Variants in GABRB1 observed in about 807,000 individuals in gnomAD.
GABRB1 encodes gamma-aminobutyric acid receptor subunit beta-1.
GABRB1 carries 17 observed loss-of-function variants against 51.6 expected under a neutral mutation model. The ratio of observed to expected loss-of-function variants is 0.33; its 90% CI spans 0.23 to 0.49. The LOEUF (loss-of-function observed/expected upper bound fraction) is 0.49, where lower values mean the gene tolerates loss of function less well. GABRB1 is among the 20% of genes least tolerant of loss of function. The probability of loss-of-function intolerance (pLI) is 0.99; values close to 1 mark genes in which losing one functional copy is unlikely to be tolerated. For missense variants in GABRB1, 410 were observed against 600.6 expected (o/e 0.68, Z 3.32); for synonymous variants, 247 against 218.9 (o/e 1.13, Z -1.14).
chr4:47,008,556 A>G (rs1427336611), intron 1 of GABRB1, among the ~76,000 whole-genome samples: 3 of 150,032 alleles, frequency 2.0e-5, no homozygotes, highest in African/African-American at 7.4e-5. Context: ...TCTGCTTTCC[A>G]GGTTCAAGTG....
chr4:47,369,351 A>G (rs1421236797), intron 5 of GABRB1, among the ~76,000 whole-genome samples: 1 of 151,990 alleles, frequency 6.6e-6, no homozygotes, highest in African/African-American at 2.4e-5. Flanking sequence ...GAAGAGTTGG[A>G]CTTATTTAGT....
At position 47,351,190 on chromosome 4, in the gene GABRB1, C is replaced by T. The variant is rs553643259; in HGVS notation, c.544+30981C>T. 3.9e-5 allele frequency among the ~76,000 whole-genome samples: 6 copies of T among 152,248 alleles called. No homozygotes were observed. In the South Asian group the frequency reaches 1.2e-3, roughly 32 times the overall value. ...AAGAATCACATCTATAGGTCTCTGC[C>T]ATGGCACCATATTGGAAAACTGTGA... On this transcript the variant is annotated intron_variant, in intron 5 of 8. Transcript: ENST00000295454.
intron 4 of GABRB1, among the ~76,000 whole-genome samples, chr4:47,257,788 T>G (rs921882158): frequency 6.6e-6 from 1 of 151,924 alleles, no homozygotes; most frequent in Non-Finnish European, 1.5e-5. Context: ...TTGTTCTAAG[T>G]GACCATATAT....
intron 3 of GABRB1, among the ~76,000 whole-genome samples, chr4:47,131,435 G>T (rs564488646): frequency 1.3e-5 from 2 of 152,154 alleles, no homozygotes; most frequent in Non-Finnish European, 2.9e-5. Flanking sequence ...TGGGATTACC[G>T]GTGTGAGCCA....
At chr4:47,161,532 G>A in intron 4 of GABRB1, 63 bp downstream of exon 4, 1 of 1,379,518 alleles carries the variant, frequency 7.2e-7, no homozygotes, top group Non-Finnish European at 1.0e-6. Context: ...TAAACTTTTG[G>A]AAGTGGGCAA....
intron 5 of GABRB1, among the ~76,000 whole-genome samples, chr4:47,339,287 G>A (rs1281373481): frequency 6.6e-6 from 1 of 152,104 alleles, no homozygotes; most frequent in Non-Finnish European, 1.5e-5. Flanking sequence ...AACACTACTC[G>A]AGGAAAGTAA....
At chr4:47,155,688 A>G (rs1247746596) in intron 3 of GABRB1, among the ~76,000 whole-genome samples, 1 of 151,826 alleles carries the variant, frequency 6.6e-6, no homozygotes, top group Non-Finnish European at 1.5e-5. Flanking sequence ...CCTACAGTGC[A>G]TAGCTGTTTT....
chr4:47,285,472 T>C (rs1013824290), intron 4 of GABRB1, among the ~76,000 whole-genome samples: 3 of 152,264 alleles, frequency 2.0e-5, no homozygotes, highest in Non-Finnish European at 2.9e-5. Flanking sequence ...AACTTATTTA[T>C]AGTATCCGGT....
chr4:47,215,143 G>A (rs1297120841), intron 4 of GABRB1, among the ~76,000 whole-genome samples: 1 of 152,082 alleles, frequency 6.6e-6, no homozygotes, highest in East Asian at 1.9e-4. Context: ...CACTGTTATT[G>A]ACTCTTCTTC....
chr4:47,417,141 C>T (rs1728952879), intron 8 of GABRB1, among the ~76,000 whole-genome samples: 1 of 152,092 alleles, frequency 6.6e-6, no homozygotes, highest in Non-Finnish European at 1.5e-5. Flanking sequence ...ATGAGGCCCA[C>T]CTACATTATC....
At chr4:47,389,963 C>T (rs1467279195) in intron 5 of GABRB1, among the ~76,000 whole-genome samples, 1 of 152,184 alleles carries the variant, frequency 6.6e-6, no homozygotes, top group East Asian at 1.9e-4. Context: ...ATTTAGGATA[C>T]TTTAATTAGG....
chr4:47,264,486 C>T (rs1384313434), intron 4 of GABRB1, among the ~76,000 whole-genome samples: 1 of 152,202 alleles, frequency 6.6e-6, no homozygotes, highest in Non-Finnish European at 1.5e-5. Flanking sequence ...CACTGGCATC[C>T]CAGGGGCACC....
intron 3 of GABRB1, among the ~76,000 whole-genome samples, chr4:47,086,603 G>A (rs1243196657): frequency 1.3e-5 from 2 of 152,090 alleles, no homozygotes; most frequent in African/African-American, 4.8e-5. Flanking sequence ...ATCAATAGTA[G>A]GCATGCTAAG....
rs527963970 is a variant in GABRB1 at position 47,297,939 on chromosome 4, C to T, written c.462-22188C>T. Reference sequence around the variant, plus strand: ...TGGGATGCAAGGCTGGTTCAATATACGCAAATCAATTAATGTAATGCAGCA... The same window carrying T: ...TGGGATGCAAGGCTGGTTCAATATATGCAAATCAATTAATGTAATGCAGCA... On this transcript the variant is annotated intron_variant, in intron 4 of 8. Coordinates refer to ENST00000295454, the MANE Select transcript of GABRB1 (RefSeq NM_000812.4). 8.5e-4 allele frequency among the ~76,000 whole-genome samples: 130 copies of T among 152,242 alleles called. 1 individual carries two copies. Among genetic ancestry groups the T allele is most frequent in the African/African-American group, 2.3e-3 (96 of 41,544 alleles).
chr4:47,156,863 G>T (rs1447656930), intron 3 of GABRB1, among the ~76,000 whole-genome samples: 2 of 152,030 alleles, frequency 1.3e-5, no homozygotes, highest in African/African-American at 4.8e-5. Flanking sequence ...AGCTATTCAG[G>T]AGGCTGAGGC....
At chr4:47,301,373 A>C (rs1256883639) in intron 4 of GABRB1, among the ~76,000 whole-genome samples, 1 of 152,208 alleles carries the variant, frequency 6.6e-6, no homozygotes, top group East Asian at 1.9e-4. Flanking sequence ...ATGGTGGCTC[A>C]CACCTGTAAT....
intron 4 of GABRB1, among the ~76,000 whole-genome samples, chr4:47,208,303 G>A (rs1006607023): frequency 3.9e-5 from 6 of 151,980 alleles, no homozygotes; most frequent in African/African-American, 1.4e-4. Flanking sequence ...ATTGAGACAG[G>A]AAGTAGATTT....
At chr4:47,278,780 C>T (rs137982169) in intron 4 of GABRB1, among the ~76,000 whole-genome samples, 258 of 152,304 alleles carry the variant, frequency 1.7e-3, no homozygotes, top group Non-Finnish European at 2.9e-3. Flanking sequence ...GCCAGACCAT[C>T]TGGCTACTGG....
At chr4:47,062,361 T>C (rs1726878819) in intron 3 of GABRB1, among the ~76,000 whole-genome samples, 2 of 151,244 alleles carry the variant, frequency 1.3e-5, no homozygotes, top group African/African-American at 2.4e-5. Flanking sequence ...GCTGATATAA[T>C]GGAAACCTGT....
Sources: allele counts gnomAD v4.1 joint callset (sites outside exome capture counted in the v4.1 genomes callset), GRCh38; gene constraint gnomAD v4.1.1; transcripts MANE v1.5; gene names NCBI Gene and HGNC (gene_info 2026-07-23, HGNC 2026-07-21).